CUX1: variants seen among roughly 807,000 people sequenced by gnomAD.
CUX1 encodes protein CASP.
CUX1 carries 31 observed loss-of-function variants against 158.8 expected under a neutral mutation model. The ratio of observed to expected loss-of-function variants is 0.20; its 90% CI spans 0.15 to 0.26. The LOEUF is 0.26. CUX1 is among the 10% of genes least tolerant of loss of function. CUX1 has a pLI of 1.00. For synonymous variants in CUX1, 879 were observed against 862.1 expected, an observed-to-expected ratio of 1.02 and a Z score of -0.34; for missense variants, 1,589 against 2,014.6, an observed-to-expected ratio of 0.79 and a Z score of 4.04.
intron 5 of CUX1, among the ~76,000 whole-genome samples, chr7:102,097,706 AC>A (rs1192045792): frequency 5.6e-4 from 51 of 91,292 alleles, no homozygotes; most frequent in African/African-American, 3.1e-3. Context: ...CCTCTGCACA[AC>A]AACGACGTAA....
At chr7:101,821,849 G>GTTTTTTTT (rs763323114) in intron 1 of CUX1, among the ~76,000 whole-genome samples, 23 of 69,782 alleles carry the variant, frequency 3.3e-4, no homozygotes, top group African/African-American at 4.7e-4. Flanking sequence ...TAGTTTTTTT[G>GTTTTTTTT]TTTTTTTGTT....
At chr7:101,997,487 G>A (rs1372245816) in intron 2 of CUX1, among the ~76,000 whole-genome samples, 1 of 151,994 alleles carries the variant, frequency 6.6e-6, no homozygotes, top group Non-Finnish European at 1.5e-5. Flanking sequence ...GGGATTACAG[G>A]TGCCCACCAC....
rs567051935 is a variant in CUX1, at chr7:101,987,966, C to T, written c.142-40132C>T. ...CTGGCTCATGCCTGTAATCTCAGCA[C>T]TTTGGGAGGCCGAGGCAGGTGGATC... is the stretch of plus-strand genomic sequence containing the variant. On this transcript the variant is annotated intron_variant, in intron 2 of 23. Coordinates refer to ENST00000292535, the MANE Select transcript of CUX1 (RefSeq NM_181552.4). Among the ~76,000 whole-genome samples, 5 of 152,252 alleles carry T rather than the reference C, an allele frequency of 3.3e-5. No individual in the cohort carries two copies. In the South Asian group the frequency reaches 8.3e-4, roughly 25 times the overall value.
chr7:102,004,126 G>A (rs1364577262), intron 2 of CUX1, among the ~76,000 whole-genome samples: 3 of 152,226 alleles, frequency 2.0e-5, no homozygotes, highest in African/African-American at 7.2e-5. Context: ...TGGACCAGGT[G>A]AGCTATCCTC....
chr7:101,955,421 C>A (rs1426788723), intron 2 of CUX1, among the ~76,000 whole-genome samples: 1 of 152,196 alleles, frequency 6.6e-6, no homozygotes, highest in Non-Finnish European at 1.5e-5. Context: ...ATAATAATAT[C>A]ATGCCCATTT....
intron 23 of CUX1, among the ~76,000 whole-genome samples, chr7:102,244,888 A>C (rs1554536366): frequency 1.3e-5 from 2 of 152,176 alleles, no homozygotes; most frequent in African/African-American, 4.8e-5. Context: ...TGCTCCTGGA[A>C]GCTCATCTTT....
chr7:102,132,676 TTTTC>T (rs1486286581), intron 8 of CUX1, among the ~76,000 whole-genome samples: 41 of 106,944 alleles, frequency 3.8e-4, no homozygotes, highest in African/African-American at 1.7e-3. Context: ...TTTTCTTTGC[TTTTC>T]TTTTTTTTTT....
intron 8 of CUX1, among the ~76,000 whole-genome samples, chr7:102,154,895 T>C (rs1374237574): frequency 6.6e-6 from 1 of 152,194 alleles, no homozygotes; most frequent in Admixed American, 6.6e-5. Flanking sequence ...TCAGTGTCTC[T>C]TCACTCACCA....
chr7:102,259,709 T>G, downstream of CUX1, among the ~76,000 whole-genome samples: 1 of 145,608 alleles, frequency 6.9e-6, no homozygotes, highest in East Asian at 2.0e-4. Context: ...ATGTATTTCA[T>G]GATCTGCTAA....
intron 1 of CUX1, among the ~76,000 whole-genome samples, chr7:101,857,993 C>G (rs1481178036): frequency 6.6e-6 from 1 of 152,026 alleles, no homozygotes. Context: ...TGTGGTGGCA[C>G]GCACCTGTAC....
At chr7:102,051,904 G>A (rs562735804) in intron 3 of CUX1, among the ~76,000 whole-genome samples, 18 of 151,838 alleles carry the variant, frequency 1.2e-4, no homozygotes, top group African/African-American at 2.7e-4. Flanking sequence ...GAACATTTTC[G>A]TCAGCTCAAA....
chr7:101,917,120 G>A lies in CUX1; in HGVS notation c.141+895G>A, dbSNP rs78044290. Among the ~76,000 whole-genome samples the A allele has an allele frequency of 3.9e-3, 597 of 152,302 alleles. 7 individuals carry two copies. Among genetic ancestry groups the A allele is most frequent in the East Asian group, 0.036 (186 of 5,178 alleles). On this transcript the variant is annotated intron_variant, in intron 2 of 23. Transcript: ENST00000292535. Reference sequence around the variant, plus strand: ...GGGCTTGGGGAATCTTCTCCGTATCGTAGCTCTTGGCTCCTCCATATAAGA... The same window carrying A: ...GGGCTTGGGGAATCTTCTCCGTATCATAGCTCTTGGCTCCTCCATATAAGA...
chr7:101,903,294 C>T (rs775112135), intron 1 of CUX1, among the ~76,000 whole-genome samples: 26 of 151,954 alleles, frequency 1.7e-4, no homozygotes, highest in South Asian at 8.3e-4. Context: ...GCAAGATGGC[C>T]GGGAGAAAGC....
intron 11 of CUX1, among the ~76,000 whole-genome samples, chr7:102,181,187 C>T (rs369237676): frequency 3.3e-5 from 5 of 151,958 alleles, no homozygotes; most frequent in Non-Finnish European, 7.4e-5. Context: ...GTGATCCACC[C>T]GCCTCCGCCT....
intron 1 of CUX1, among the ~76,000 whole-genome samples, chr7:101,841,030 A>T (rs1795146525): frequency 6.6e-6 from 1 of 151,848 alleles, no homozygotes; most frequent in African/African-American, 2.4e-5. Flanking sequence ...AGTAGCTGGG[A>T]CTACAGGTGC....
chr7:102,012,662 G>C (rs984700102), intron 2 of CUX1, among the ~76,000 whole-genome samples: 10 of 150,500 alleles, frequency 6.6e-5, no homozygotes, highest in East Asian at 3.9e-4. Flanking sequence ...GCTTCCAGAA[G>C]GTATACATTC....
At chr7:102,095,373 G>T (rs926849418) in intron 4 of CUX1, among the ~76,000 whole-genome samples, 1 of 152,110 alleles carries the variant, frequency 6.6e-6, no homozygotes, top group African/African-American at 2.4e-5. Context: ...AAATAATAAT[G>T]AAAAGCCATG....
At chr7:102,149,555 A>G (rs1036284181) in intron 8 of CUX1, among the ~76,000 whole-genome samples, 2 of 152,124 alleles carry the variant, frequency 1.3e-5, no homozygotes, top group Non-Finnish European at 2.9e-5. Flanking sequence ...GGTTCATGGT[A>G]GGTGCCCCAT....
At chr7:102,168,044 C>T (rs1384366614) in intron 9 of CUX1, among the ~76,000 whole-genome samples, 3 of 151,378 alleles carry the variant, frequency 2.0e-5, no homozygotes, top group Non-Finnish European at 2.9e-5. Flanking sequence ...CACCACTGCA[C>T]TCCAGCCTGG....
Sources: allele counts gnomAD v4.1 joint callset (sites outside exome capture counted in the v4.1 genomes callset), GRCh38; gene constraint gnomAD v4.1.1; transcripts MANE v1.5; gene names NCBI Gene and HGNC (gene_info 2026-07-23, HGNC 2026-07-21).